RANBP17: variants seen among roughly 807,000 people sequenced by gnomAD.
The protein encoded by RANBP17 is RAN binding protein 17, also known as ran-binding protein 17.
A neutral mutation model predicts 141.2 loss-of-function variants in RANBP17; 158 were observed. The ratio of observed to expected loss-of-function variants is 1.12; its 90% CI spans 0.98 to 1.28. RANBP17 has a LOEUF of 1.28. Ranked by LOEUF, RANBP17 falls within the 50% of genes most tolerant of loss-of-function variation. The pLI is 0.00. For synonymous variants in RANBP17, 430 were observed against 450.0 expected (o/e 0.96, Z 0.56); for missense variants, 1,438 against 1,290.7 (o/e 1.11, Z -1.75).
At chr5:170,957,395 A>G (rs1775803423) in intron 13 of RANBP17, among the ~76,000 whole-genome samples, 2 of 152,236 alleles carry the variant, frequency 1.3e-5, no homozygotes, top group Middle Eastern at 3.4e-3. Flanking sequence ...AATACAGTCA[A>G]TCTTTATTAT....
chr5:171,057,518 T>C (rs185949566), intron 14 of RANBP17, among the ~76,000 whole-genome samples: 7 of 152,246 alleles, frequency 4.6e-5, no homozygotes, highest in African/African-American at 1.4e-4. Context: ...GTACTCCATT[T>C]TGTGTGGATA....
intron 20 of RANBP17, chr5:171,205,977 G>A: frequency 2.7e-6 from 1 of 368,906 alleles, no homozygotes; most frequent in Non-Finnish European, 5.3e-6. Flanking sequence ...CAATTAGCAA[G>A]GCTGGGAAGA....
intron 1 of RANBP17, among the ~76,000 whole-genome samples, chr5:170,866,207 A>G (rs932495786): frequency 4.6e-5 from 7 of 152,200 alleles, no homozygotes; most frequent in Non-Finnish European, 7.3e-5. Context: ...AAACATTCCT[A>G]TCAGGTATGA....
intron 13 of RANBP17, among the ~76,000 whole-genome samples, chr5:170,954,771 A>C (rs1329447296): frequency 1.3e-5 from 2 of 152,144 alleles, no homozygotes; most frequent in Admixed American, 6.5e-5. Flanking sequence ...TCCTAAATGC[A>C]GAATAGCTGG....
intron 22 of RANBP17, among the ~76,000 whole-genome samples, chr5:171,225,439 T>A (rs1763827060): frequency 6.6e-6 from 1 of 152,250 alleles, no homozygotes; most frequent in African/African-American, 2.4e-5. Flanking sequence ...TGTCTTTACC[T>A]TCTGTAATGT....
intron 24 of RANBP17, among the ~76,000 whole-genome samples, chr5:171,260,593 G>A (rs1766243811): frequency 6.6e-6 from 1 of 152,082 alleles, no homozygotes. Flanking sequence ...ATGTTTGATA[G>A]CAGAGTAGGG....
At chr5:171,168,008 G>C (rs913851998) in intron 14 of RANBP17, among the ~76,000 whole-genome samples, 1 of 152,074 alleles carries the variant, frequency 6.6e-6, no homozygotes, top group Non-Finnish European at 1.5e-5. Context: ...AGTCCTAGTA[G>C]ATCCAGACCG....
chr5:170,880,419 A>G (rs1200937802), intron 2 of RANBP17, among the ~76,000 whole-genome samples: 4 of 152,314 alleles, frequency 2.6e-5, no homozygotes, highest in African/African-American at 9.6e-5. Context: ...CTCTGCACAT[A>G]TAACTTTGGC....
intron 22 of RANBP17, among the ~76,000 whole-genome samples, chr5:171,232,625 C>G (rs1240665606): frequency 6.6e-6 from 1 of 152,106 alleles, no homozygotes; most frequent in African/African-American, 2.4e-5. Context: ...AGAAAACCCC[C>G]CCATTCATCA....
At chr5:171,217,099 T>C (rs1763269985) in intron 21 of RANBP17, among the ~76,000 whole-genome samples, 1 of 152,308 alleles carries the variant, frequency 6.6e-6, no homozygotes, top group South Asian at 2.1e-4. Flanking sequence ...ATACCTAGTT[T>C]ATTGAGAGTT....
chr5:170,950,579 A>T (rs768388602), intron 12 of RANBP17, among the ~76,000 whole-genome samples: 3 of 152,098 alleles, frequency 2.0e-5, no homozygotes, highest in Non-Finnish European at 4.4e-5. Flanking sequence ...AAACAGAAAA[A>T]ATAACAGAAG....
chr5:170,972,886 C>G (rs1347434311), intron 14 of RANBP17, among the ~76,000 whole-genome samples: 1 of 152,144 alleles, frequency 6.6e-6, no homozygotes, highest in East Asian at 1.9e-4. Context: ...GCCAGTCTTT[C>G]AGAAAAATTT....
intron 14 of RANBP17, among the ~76,000 whole-genome samples, chr5:171,073,007 A>G (rs1439290007): frequency 2.0e-5 from 3 of 152,024 alleles, no homozygotes; most frequent in Non-Finnish European, 2.9e-5. Context: ...ATACCGGAAA[A>G]GGCAGCTAAT....
At chr5:171,162,629 T>C (rs1445592657) in intron 14 of RANBP17, among the ~76,000 whole-genome samples, 1 of 152,132 alleles carries the variant, frequency 6.6e-6, no homozygotes, top group Non-Finnish European at 1.5e-5. Context: ...CTCAGAAATA[T>C]CTCTGACAGC....
At chr5:171,026,349 TAGTGAC>T (rs1230874985) in intron 14 of RANBP17, among the ~76,000 whole-genome samples, 1 of 152,188 alleles carries the variant, frequency 6.6e-6, no homozygotes, top group Non-Finnish European at 1.5e-5. Flanking sequence ...TGTACACAGT[TAGTGAC>T]AGAGCCGTGA....
At chr5:170,972,250 T>C (rs1777042388) in intron 14 of RANBP17, among the ~76,000 whole-genome samples, 1 of 149,542 alleles carries the variant, frequency 6.7e-6, no homozygotes, top group African/African-American at 2.5e-5. Context: ...GGCGCCATCT[T>C]GACTCACTGC....
At chr5:170,972,458 A>G (rs904618169) in intron 14 of RANBP17, among the ~76,000 whole-genome samples, 1 of 152,158 alleles carries the variant, frequency 6.6e-6, no homozygotes, top group Non-Finnish European at 1.5e-5. Context: ...TGTTGCAATT[A>G]CAGGCGTGAG....
intron 16 of RANBP17, among the ~76,000 whole-genome samples, chr5:171,172,222 G>T (rs1260778883): frequency 6.6e-6 from 1 of 151,748 alleles, no homozygotes; most frequent in Non-Finnish European, 1.5e-5. Context: ...ACCCACTTTT[G>T]TGCTGGAATT....
chr5:170,896,792 T>C, intron 5 of RANBP17: 1 of 391,752 alleles, frequency 2.6e-6, no homozygotes, highest in South Asian at 2.4e-5. Flanking sequence ...ATCGTGCCAC[T>C]GCACTCCACC....
Sources: allele counts gnomAD v4.1 joint callset (sites outside exome capture counted in the v4.1 genomes callset), GRCh38; gene constraint gnomAD v4.1.1; transcripts MANE v1.5; gene names NCBI Gene and HGNC (gene_info 2026-07-23, HGNC 2026-07-21).